SLC49A4: variants seen among roughly 807,000 people sequenced by gnomAD.
SLC49A4 encodes solute carrier family 49 member 4, also known as disrupted in renal cancer protein 2.
SLC49A4 carries 36 observed loss-of-function variants against 50.6 expected under a neutral mutation model. That is an observed-to-expected ratio of 0.71 (90% CI 0.55 to 0.94). The LOEUF is 0.94. SLC49A4 is among the 40% of genes least tolerant of loss of function. The pLI is 0.00. For missense variants in SLC49A4, 503 were observed against 605.7 expected, an observed-to-expected ratio of 0.83 and a Z score of 1.78; for synonymous variants, 248 against 241.2, an observed-to-expected ratio of 1.03 and a Z score of -0.26.
intron 4 of SLC49A4, among the ~76,000 whole-genome samples, chr3:122,840,410 T>G (rs537467289): frequency 1.1e-4 from 17 of 152,362 alleles, no homozygotes; most frequent in Admixed American, 5.9e-4. Context: ...TTTAATTTTT[T>G]GTATATTTGG....
intron 7 of SLC49A4, among the ~76,000 whole-genome samples, chr3:122,870,927 A>G (rs148144325): frequency 6.6e-6 from 1 of 152,166 alleles, no homozygotes; most frequent in East Asian, 1.9e-4. Context: ...TTCCTAATGT[A>G]CCACTAATGA....
intron 7 of SLC49A4, among the ~76,000 whole-genome samples, chr3:122,860,447 G>C (rs1271793147): frequency 1.3e-5 from 2 of 152,110 alleles, no homozygotes; most frequent in Non-Finnish European, 2.9e-5. Flanking sequence ...ATAGAGCATG[G>C]AAATGCTTAT....
chr3:122,865,496 G>A (rs1937106974), intron 7 of SLC49A4, among the ~76,000 whole-genome samples: 1 of 152,184 alleles, frequency 6.6e-6, no homozygotes, highest in South Asian at 2.1e-4. Flanking sequence ...GATGCTGAGA[G>A]AAGAGGTACA....
At chr3:122,813,704 C>T (rs1936329567) in intron 2 of SLC49A4, among the ~76,000 whole-genome samples, 1 of 152,130 alleles carries the variant, frequency 6.6e-6, no homozygotes, top group Non-Finnish European at 1.5e-5. Context: ...AAAACTTTAT[C>T]TGCAACAAAA....
intron 8 of SLC49A4, among the ~76,000 whole-genome samples, chr3:122,875,818 C>G (rs1937260147): frequency 6.6e-6 from 1 of 152,070 alleles, no homozygotes; most frequent in Non-Finnish European, 1.5e-5. Flanking sequence ...CCAAAATGAC[C>G]ATAATGGAAT....
chr3:122,848,120 G>T (rs374982035), intron 5 of SLC49A4, among the ~76,000 whole-genome samples: 60 of 152,232 alleles, frequency 3.9e-4, no homozygotes, highest in African/African-American at 1.3e-3. Context: ...CTGTTCTGGA[G>T]CTCTGTTCTT....
At chr3:122,857,284 TAAAAAAAAAA>T (rs10694942) in intron 6 of SLC49A4, among the ~76,000 whole-genome samples, 45 of 109,382 alleles carry the variant, frequency 4.1e-4, no homozygotes, top group Admixed American at 4.1e-3. Context: ...CCATTCGTTC[TAAAAAAAAAA>T]AAAAAAAAAA....
intron 5 of SLC49A4, among the ~76,000 whole-genome samples, chr3:122,853,911 A>C (rs1936954623): frequency 6.6e-6 from 1 of 152,270 alleles, no homozygotes; most frequent in African/African-American, 2.4e-5. Context: ...ATTTAAAATT[A>C]CATGAAAGCA....
At chr3:122,837,223 T>C (rs571908252) in intron 4 of SLC49A4, among the ~76,000 whole-genome samples, 2 of 152,294 alleles carry the variant, frequency 1.3e-5, no homozygotes, top group East Asian at 3.9e-4. Flanking sequence ...TTAAAGTTCA[T>C]ATGGAACCAA....
intron 8 of SLC49A4, among the ~76,000 whole-genome samples, chr3:122,874,450 A>T (rs1937236841): frequency 6.6e-6 from 1 of 152,200 alleles, no homozygotes; most frequent in Non-Finnish European, 1.5e-5. Flanking sequence ...TTCTGATATA[A>T]TCAAGGATTT....
At chr3:122,815,755 TG>T (rs200812233) in intron 2 of SLC49A4, among the ~76,000 whole-genome samples, 2,678 of 152,368 alleles carry the variant, frequency 0.018, 50 homozygotes, top group Non-Finnish European at 0.029. Context: ...TTGTGGCTTT[TG>T]GCTTTGTCCT....
Position 122,826,971 on chromosome 3 carries a change from T to A in SLC49A4, c.609T>A (p.Leu203=). Residue 203 remains leucine (L), a synonymous_variant, in exon 3 of 9, where the codon CTT becomes CTA. Transcript: ENST00000261038. The part of the protein sequence containing the change: ...GGACAFLVGP[L]VVPAPNGTSP... ...CATGTGCATTTTTAGTTGGACCACT[T>A]GTTGTTCCAGCTCCCAATGGGACAT... 6.2e-7 allele frequency: 1 copy of A among 1,614,198 alleles called. No individual in the cohort carries two copies. The highest frequency in any genetic ancestry group is 8.5e-7 in the Non-Finnish European group (1 of 1,180,020).
Position 122,868,977 on chromosome 3 carries a change from A to G in SLC49A4, c.1139-3438A>G, listed in dbSNP as rs145650648. Among the ~76,000 whole-genome samples, 14 of 152,288 alleles carry G rather than the reference A, an allele frequency of 9.2e-5. No homozygotes were observed. In the East Asian group the frequency reaches 2.5e-3, roughly 27 times the overall value. On this transcript the variant is annotated intron_variant, in intron 7 of 8. Transcript: ENST00000261038. Reference sequence around the variant, plus strand: ...TCTTCATGTCAAGGATCCTGCGCCAAGGCTGTGTTATGTGGCTCCTGGGTA... The same window carrying G: ...TCTTCATGTCAAGGATCCTGCGCCAGGGCTGTGTTATGTGGCTCCTGGGTA...
chr3:122,839,910 CTT>C (rs1468595742), intron 4 of SLC49A4, among the ~76,000 whole-genome samples: 1 of 152,058 alleles, frequency 6.6e-6, no homozygotes, highest in Non-Finnish European at 1.5e-5. Flanking sequence ...GGAGAAAAGT[CTT>C]TATATGAAAA....
intron 3 of SLC49A4, among the ~76,000 whole-genome samples, chr3:122,832,206 A>G (rs567206025): frequency 2.6e-5 from 4 of 152,172 alleles, no homozygotes; most frequent in African/African-American, 9.7e-5. Context: ...GATTTGTTCA[A>G]ATTACAAGCT....
intron 1 of SLC49A4, among the ~76,000 whole-genome samples, chr3:122,802,373 A>T (rs967028186): frequency 6.6e-6 from 1 of 152,118 alleles, no homozygotes; most frequent in Non-Finnish European, 1.5e-5. Flanking sequence ...AGAGGCCAAC[A>T]TAGCTAGAAT....
chr3:122,835,734 T>C (rs186069347), intron 4 of SLC49A4, among the ~76,000 whole-genome samples: 1 of 152,222 alleles, frequency 6.6e-6, no homozygotes, highest in East Asian at 1.9e-4. Context: ...AGTTCGAAAG[T>C]ACTAGAAGTC....
intron 7 of SLC49A4, among the ~76,000 whole-genome samples, chr3:122,869,049 G>T (rs1332306381): frequency 1.3e-5 from 2 of 152,164 alleles, no homozygotes; most frequent in Non-Finnish European, 1.5e-5. Context: ...AACCATTTCT[G>T]AGCTAATGAG....
chr3:122,869,231 C>CG (rs935900943), intron 7 of SLC49A4, among the ~76,000 whole-genome samples: 15 of 152,032 alleles, frequency 9.9e-5, no homozygotes, highest in African/African-American at 2.9e-4. Flanking sequence ...TGACCCCCCC[C>CG]AGTTTTCCTC....
Sources: gnomAD v4.1 joint callset for allele counts (sites outside exome capture counted in the v4.1 genomes callset) on GRCh38, gnomAD v4.1.1 for gene constraint, MANE v1.5 for transcripts, NCBI Gene and HGNC (gene_info 2026-07-23, HGNC 2026-07-21) for gene names.